GPC1: variants seen among roughly 807,000 people sequenced by gnomAD.
The protein encoded by GPC1 is glypican 1.
Under a neutral mutation model 51.5 loss-of-function variants are expected in GPC1, and 26 were observed. The ratio of observed to expected loss-of-function variants is 0.50; its 90% CI spans 0.37 to 0.70. The LOEUF is 0.70. Ranked by LOEUF, GPC1 falls within the 30% of genes least tolerant of loss-of-function variation. The probability of loss-of-function intolerance (pLI) is 0.00; values close to 1 mark genes in which losing one functional copy is unlikely to be tolerated. For synonymous variants in GPC1, 380 were observed against 348.3 expected, an observed-to-expected ratio of 1.09 and a Z score of -1.01; for missense variants, 775 against 800.5, an observed-to-expected ratio of 0.97 and a Z score of 0.38.
At chr2:240,459,903 G>A (rs532002787) in intron 2 of GPC1, among the ~76,000 whole-genome samples, 6 of 152,128 alleles carry the variant, frequency 3.9e-5, no homozygotes, top group Non-Finnish European at 5.9e-5. Flanking sequence ...GGAGGGAGGC[G>A]GCCCGGGCTG....
chr2:240,443,390 G>T (rs990792084), intron 1 of GPC1, among the ~76,000 whole-genome samples: 2 of 152,236 alleles, frequency 1.3e-5, no homozygotes, highest in African/African-American at 4.8e-5. Context: ...CTGCACCACT[G>T]CTGTCTCCTG....
At chr2:240,440,827 G>T (rs115205440) in intron 1 of GPC1, among the ~76,000 whole-genome samples, 1 of 150,232 alleles carries the variant, frequency 6.7e-6, no homozygotes, top group Non-Finnish European at 1.5e-5. Context: ...CCTCCTGGCC[G>T]TGCCGCCCAG....
chr2:240,458,779 G>GC, intron 1 of GPC1: 1 of 469,978 alleles, frequency 2.1e-6, no homozygotes, highest in Non-Finnish European at 3.8e-6. Context: ...CTTGCCCAAG[G>GC]GGCCTCCTGC....
intron 1 of GPC1, among the ~76,000 whole-genome samples, chr2:240,449,026 G>T (rs1017547951): frequency 6.6e-6 from 1 of 152,124 alleles, no homozygotes; most frequent in Non-Finnish European, 1.5e-5. Flanking sequence ...GACCTGGGGG[G>T]GAAGCCACCT....
intron 1 of GPC1, among the ~76,000 whole-genome samples, chr2:240,445,915 G>A (rs144858615): frequency 4.6e-5 from 7 of 152,316 alleles, no homozygotes; most frequent in Admixed American, 6.5e-5. Flanking sequence ...GGGGAAGCAC[G>A]TGCGTTGCCA....
In GPC1 at chr2:240,448,678, CAG is replaced by C. The variant is rs2074069752; in HGVS notation, c.167-10349_167-10348del. Among the ~76,000 whole-genome samples, 1 of 151,628 alleles carries C rather than the reference CAG, an allele frequency of 6.6e-6. No homozygotes were observed. The highest frequency in any genetic ancestry group is 6.6e-5 in the Admixed American group (1 of 15,212). ...CAGGCACATGACAGGACCACCTGCTCAGAGTCTCCCTGGGCTGGGAGCCCTGG... is the reference window on the plus strand; with the variant it reads ...CAGGCACATGACAGGACCACCTGCTCAGTCTCCCTGGGCTGGGAGCCCTGG... On this transcript the variant is annotated intron_variant, in intron 1 of 8. Coordinates refer to ENST00000264039, the MANE Select transcript of GPC1 (RefSeq NM_002081.3). This position sits in a 1 kb window ranked among gnomAD's most constrained non-coding sequence, Gnocchi z 4.5.
chr2:240,438,475 GC>G (rs1196234977), intron 1 of GPC1, among the ~76,000 whole-genome samples: 2 of 152,176 alleles, frequency 1.3e-5, no homozygotes, highest in African/African-American at 4.8e-5. Context: ...CCTCCCAGGA[GC>G]CCTGGACCCT....
intron 1 of GPC1, chr2:240,450,125 G>A (rs964834658): frequency 8.4e-5 from 29 of 344,006 alleles, no homozygotes; most frequent in African/African-American, 5.4e-4. Flanking sequence ...ACTGGCCCCC[G>A]TGCTTTATCT....
Position 240,436,040 on chromosome 2 carries a change from C to A in GPC1, c.122C>A (p.Ala41Asp). 4 of 1,374,056 alleles carry A rather than the reference C, an allele frequency of 2.9e-6. No homozygotes were observed. The highest frequency in any genetic ancestry group is 3.6e-5 in the South Asian group (2 of 55,790). 85.1% of individuals were successfully genotyped at this position (1,374,056 alleles called of 1,614,324 possible). A position where few individuals can be genotyped will look rare whatever the true frequency, so the allele number is the denominator to read the frequency against. Residue 41 changes from alanine to aspartate, a missense_variant, in exon 1 of 9, where the codon GCC becomes GAC. Coordinates refer to ENST00000264039, the MANE Select transcript of GPC1 (RefSeq NM_002081.3). Reference protein sequence around the residue: ...SCGEVRQIYGAKGFSLSDVPQ... With the variant: ...SCGEVRQIYGDKGFSLSDVPQ... Reference sequence around the variant, plus strand: ...GGCGAGGTCCGCCAGATCTACGGAGCCAAGGGCTTCAGCCTGAGCGACGTG... The same window carrying A: ...GGCGAGGTCCGCCAGATCTACGGAGACAAGGGCTTCAGCCTGAGCGACGTG...
chr2:240,451,980 C>G (rs551754551), intron 1 of GPC1: 4 of 153,054 alleles, frequency 2.6e-5, no homozygotes, highest in African/African-American at 9.6e-5. Context: ...TGTGGCCTGC[C>G]TTGGTGGTCT....
Position 240,435,984 on chromosome 2 carries a change from C to A in GPC1, c.66C>A (p.Arg22=). 1 of 1,368,068 alleles carries A rather than the reference C, an allele frequency of 7.3e-7. No individual in the cohort carries two copies. Among genetic ancestry groups the A allele is most frequent in the Admixed American group, 2.9e-5 (1 of 34,806 alleles). 84.7% of individuals were successfully genotyped at this position (1,368,068 alleles called of 1,614,324 possible). ...CCGCAGCGCTGGTCGCCTGCGCCCG[C>A]GGGGACCCGGCCAGCAAGAGCCGGA... is the stretch of plus-strand genomic sequence containing the variant. ...CAAAALVACA[R]GDPASKSRSC... The change falls in exon 1 of 9, where the codon CGC becomes CGA. Residue 22 remains arginine, a synonymous_variant. Transcript: ENST00000264039.
chr2:240,440,775 C>T (rs2151785480), intron 1 of GPC1, among the ~76,000 whole-genome samples: 1 of 151,378 alleles, frequency 6.6e-6, no homozygotes, highest in South Asian at 2.1e-4. Flanking sequence ...TCCGGTCCTG[C>T]CCAGCTCCTC....
intron 1 of GPC1, among the ~76,000 whole-genome samples, chr2:240,453,642 C>T (rs2074127381): frequency 5.5e-5 from 8 of 146,772 alleles, no homozygotes; most frequent in Admixed American, 5.4e-4. Context: ...AGCCCCCTCT[C>T]CCCGCCCGCC....
intron 8 of GPC1, 135 bp downstream of exon 8, chr2:240,465,783 G>A: frequency 1.3e-6 from 1 of 759,478 alleles, no homozygotes; most frequent in Non-Finnish European, 2.1e-6. Flanking sequence ...TGAGGACGCT[G>A]TGCTGCCCAG....
At position 240,459,092 on chromosome 2, in the gene GPC1, C is replaced by G. The variant is rs1392338775; in HGVS notation, c.229C>G (p.Leu77Val). 6.2e-7 allele frequency: 1 copy of G among 1,612,882 alleles called. No individual in the cohort carries two copies. The highest frequency in any genetic ancestry group is 1.1e-5 in the South Asian group (1 of 91,086). Residue 77 changes from leucine (L) to valine (V), a missense_variant, in exon 2 of 9, where the codon CTG becomes GTG. Transcript: ENST00000264039. ...TCCTSEMEENLANRSHAELET... is the reference protein window; with the variant it reads ...TCCTSEMEENVANRSHAELET... ...CTGCACCAGCGAGATGGAGGAGAAC[C>G]TGGCCAACCGCAGCCATGCCGAGCT...
chr2:240,465,957 C>T (rs549443408), intron 8 of GPC1, 101 bp from the exon 9 acceptor site: 38 of 692,286 alleles, frequency 5.5e-5, no homozygotes, highest in Admixed American at 4.7e-4. Flanking sequence ...GATTCCACAC[C>T]GAAAGGATGT....
chr2:240,437,892 G>A (rs1315906885), intron 1 of GPC1, among the ~76,000 whole-genome samples: 1 of 152,234 alleles, frequency 6.6e-6, no homozygotes, highest in Non-Finnish European at 1.5e-5. Flanking sequence ...AGACAGAGTG[G>A]CAGAGTTTGG....
chr2:240,465,341 G>T, intron 7 of GPC1, 131 bp downstream of exon 7: 1 of 1,332,602 alleles, frequency 7.5e-7, no homozygotes, highest in East Asian at 2.5e-5. Flanking sequence ...TCTGCGGCCT[G>T]TGTGGGCTCT....
intron 1 of GPC1, among the ~76,000 whole-genome samples, chr2:240,444,554 C>A (rs544373413): frequency 6.6e-6 from 1 of 152,152 alleles, no homozygotes; most frequent in East Asian, 1.9e-4. Context: ...GCGACCGGAT[C>A]CCTAGCCTCC....
Sources: gnomAD v4.1 joint callset for allele counts (sites outside exome capture counted in the v4.1 genomes callset) on GRCh38, gnomAD v4.1.1 for gene constraint, Gnocchi (gnomAD v3.1) non-coding constraint, MANE v1.5 for transcripts, NCBI Gene and HGNC (gene_info 2026-07-23, HGNC 2026-07-21) for gene names.